Variants in ARID1B observed in about 807,000 individuals in gnomAD.
ARID1B encodes AT-rich interaction domain 1B, also known as AT-rich interactive domain-containing protein 1B.
In ARID1B, 30 loss-of-function variants were observed where a neutral mutation model predicts 212.3. That is an observed-to-expected ratio of 0.14 (90% CI 0.11 to 0.19). The LOEUF is 0.19. Among genes scored for constraint, ARID1B ranks in the 10% least tolerant of loss-of-function variants. The pLI is 1.00. For synonymous variants in ARID1B, 1,402 were observed against 1,301.7 expected (o/e 1.08, Z -1.66); for missense variants, 2,891 against 3,204.0 (o/e 0.90, Z 2.36).
chr6:157,118,318 C>T (rs1787467883), intron 6 of ARID1B, among the ~76,000 whole-genome samples: 1 of 152,206 alleles, frequency 6.6e-6, no homozygotes, highest in Non-Finnish European at 1.5e-5. Context: ...GACAGTAGAT[C>T]TGCAGATGCT....
chr6:156,778,755 G>GC lies in ARID1B; in HGVS notation c.1080dup (p.Gly361ArgfsTer257). The GC allele has an allele frequency of 1.3e-6, 2 of 1,522,978 alleles. No homozygotes were observed. The highest frequency in any genetic ancestry group is 1.2e-5 in the South Asian group (1 of 81,770). 94.3% of individuals were successfully genotyped at this position (1,522,978 alleles called of 1,614,324 possible). A position where few individuals can be genotyped will look rare whatever the true frequency, so the allele number is the denominator to read the frequency against. On this transcript the variant is annotated frameshift_variant, in exon 1 of 20. Coordinates refer to ENST00000636930, the MANE Select transcript of ARID1B (RefSeq NM_001374828.1). LOFTEE classifies it high-confidence loss of function. The stretch of plus-strand genomic sequence containing the variant: ...CTCCGCCTCCGCCGCCGCCGCCGGG[G>GC]CCCCCGGCAGCATGGACCCCCTGCA...
chr6:156,964,074 C>G (rs1351353193), intron 4 of ARID1B, among the ~76,000 whole-genome samples: 1 of 152,216 alleles, frequency 6.6e-6, no homozygotes, highest in Non-Finnish European at 1.5e-5. Context: ...AGGATTCTGC[C>G]CCTTGGCCTG....
At chr6:157,027,297 C>G (rs1284859906) in intron 4 of ARID1B, among the ~76,000 whole-genome samples, 1 of 152,150 alleles carries the variant, frequency 6.6e-6, no homozygotes, top group African/African-American at 2.4e-5. Flanking sequence ...TACATTCTTT[C>G]TTTTATTGAA....
chr6:157,029,726 G>C (rs1250269849), intron 4 of ARID1B, among the ~76,000 whole-genome samples: 1 of 152,218 alleles, frequency 6.6e-6, no homozygotes, highest in East Asian at 1.9e-4. Context: ...AGGAACAGAA[G>C]GCAAGCCAGT....
At chr6:157,120,187 T>TA (rs762271540) in intron 6 of ARID1B, among the ~76,000 whole-genome samples, 1 of 152,202 alleles carries the variant, frequency 6.6e-6, no homozygotes, top group African/African-American at 2.4e-5. Flanking sequence ...AGCTAAAACT[T>TA]AAAGGATTTG....
In ARID1B at chr6:156,897,264, C is replaced by CTTCTTCTTCTTATTATTATTA. The variant is rs71027320; in HGVS notation, c.1987-4110_1987-4109insCTTCTTCTTATTATTATTATT. ...TCTTCTTCTTCTTCTTCTTCTTCTT[C>CTTCTTCTTCTTATTATTATTA]TTATTATTATTATTATTATTATTAT... On this transcript the variant is annotated intron_variant, in intron 2 of 19. Coordinates refer to ENST00000636930, the MANE Select transcript of ARID1B (RefSeq NM_001374828.1). Among the ~76,000 whole-genome samples the CTTCTTCTTCTTATTATTATTA allele has an allele frequency of 7.3e-3, 614 of 83,544 alleles. 1 individual carries two copies. The highest frequency in any genetic ancestry group is 0.011 in the Non-Finnish European group (465 of 41,604). The allele number at this position is 83,544 out of a possible 152,430, so 54.8% of individuals were successfully genotyped here. A position where few individuals can be genotyped will look rare whatever the true frequency, so the allele number is the denominator to read the frequency against.
At chr6:157,174,416 G>T (rs1037364855) in intron 10 of ARID1B, 2 of 262,458 alleles carry the variant, frequency 7.6e-6, no homozygotes, top group Middle Eastern at 1.0e-3. Context: ...CCTGGTTTCG[G>T]TACTTGCAGC....
At chr6:156,936,659 C>CAAAAAAA (rs1156493021) in intron 4 of ARID1B, 1 of 96,424 alleles carries the variant, frequency 1.0e-5, no homozygotes, top group Non-Finnish European at 2.3e-5. Flanking sequence ...GACTCCATCT[C>CAAAAAAA]AAAAAAAAAA....
chr6:156,789,072 A>G (rs1207228147), intron 1 of ARID1B, among the ~76,000 whole-genome samples: 3 of 152,240 alleles, frequency 2.0e-5, no homozygotes, highest in Non-Finnish European at 4.4e-5. Flanking sequence ...GGAGTAAATG[A>G]TGTATCCAAG....
chr6:157,168,995 A>G (rs1168449324), intron 9 of ARID1B: 1 of 152,226 alleles, frequency 6.6e-6, no homozygotes, highest in African/African-American at 2.4e-5. Flanking sequence ...TTGGCTGTGC[A>G]CCTAGCAGCA....
chr6:157,123,459 A>G (rs1201673465), intron 6 of ARID1B, among the ~76,000 whole-genome samples: 2 of 152,336 alleles, frequency 1.3e-5, no homozygotes, highest in East Asian at 3.9e-4. Flanking sequence ...ATAGTGAGCT[A>G]AGTGAGGCAG....
chr6:156,896,447 G>T lies in ARID1B; in HGVS notation c.1987-4929G>T, dbSNP rs924557869. Among the ~76,000 whole-genome samples the T allele has an allele frequency of 2.6e-4, 40 of 151,594 alleles. 1 individual carries two copies. On this transcript the variant is annotated intron_variant, in intron 2 of 19. Transcript: ENST00000636930. ...ATAAATTAGCTGGTCGTGGTGGCCC[G>T]CTCCTGTAATCCCAGCTACTCAGGA...
intron 1 of ARID1B, among the ~76,000 whole-genome samples, chr6:156,804,814 G>T (rs760989010): frequency 1.4e-5 from 2 of 140,962 alleles, no homozygotes; most frequent in Admixed American, 7.4e-5. Context: ...TATTCCAGGG[G>T]TCATAGAAAC....
chr6:157,031,043 G>T (rs1780988453), intron 4 of ARID1B, among the ~76,000 whole-genome samples: 1 of 151,220 alleles, frequency 6.6e-6, no homozygotes, highest in South Asian at 2.1e-4. Context: ...AGGAATGCTG[G>T]CAGTGGCTTA....
At chr6:156,918,245 C>A (rs1488241687) in intron 3 of ARID1B, among the ~76,000 whole-genome samples, 4 of 152,050 alleles carry the variant, frequency 2.6e-5, no homozygotes, top group Non-Finnish European at 5.9e-5. Context: ...TAAACAGTTC[C>A]TTATATTGTT....
chr6:157,182,264 A>G (rs1792601919), intron 12 of ARID1B, among the ~76,000 whole-genome samples: 1 of 152,130 alleles, frequency 6.6e-6, no homozygotes, highest in Admixed American at 6.5e-5. Context: ...AAAATAATAT[A>G]TTTTTTAAAA....
chr6:156,790,671 T>A (rs1779948963), intron 1 of ARID1B, among the ~76,000 whole-genome samples: 1 of 152,218 alleles, frequency 6.6e-6, no homozygotes, highest in South Asian at 2.1e-4. Context: ...TTTCCCCCCA[T>A]CTTAGTGCCA....
intron 4 of ARID1B, among the ~76,000 whole-genome samples, chr6:157,027,438 A>G (rs951117030): frequency 2.0e-5 from 3 of 152,178 alleles, no homozygotes; most frequent in Non-Finnish European, 2.9e-5. Context: ...TGAAACCCCC[A>G]TCTGTTTTGG....
At position 157,091,828 on chromosome 6, in the gene ARID1B, C is replaced by T. The variant is rs115302010; in HGVS notation, c.2491+6923C>T. The stretch of plus-strand genomic sequence containing the variant: ...TATGTAAATGGTTCTTAGCCAGTGT[C>T]GTTTCGTGATGACATTAGCAGTAGA... On this transcript the variant is annotated intron_variant, in intron 5 of 19. Coordinates refer to ENST00000636930, the MANE Select transcript of ARID1B (RefSeq NM_001374828.1). Among the ~76,000 whole-genome samples the T allele has an allele frequency of 6.8e-3, 1,040 of 152,308 alleles. 8 individuals carry two copies. The highest frequency in any genetic ancestry group is 0.024 in the African/African-American group (998 of 41,562).
Sources: gnomAD v4.1 joint callset for allele counts (sites outside exome capture counted in the v4.1 genomes callset) on GRCh38, gnomAD v4.1.1 for gene constraint, MANE v1.5 for transcripts, NCBI Gene and HGNC (gene_info 2026-07-23, HGNC 2026-07-21) for gene names.